The following TNRC6C variants were observed in gnomAD, a reference collection of about 807,000 sequenced individuals.
TNRC6C encodes trinucleotide repeat-containing gene 6C protein.
TNRC6C carries 20 observed loss-of-function variants against 153.7 expected under a neutral mutation model. The observed-to-expected ratio is 0.13, with a 90% confidence interval of 0.09 to 0.19. The LOEUF is 0.19. Among genes scored for constraint, TNRC6C ranks in the 10% least tolerant of loss-of-function variants. The probability of loss-of-function intolerance (pLI) is 1.00; values close to 1 mark genes in which losing one functional copy is unlikely to be tolerated. For missense variants in TNRC6C, 1,987 were observed against 2,172.0 expected (o/e 0.91, Z 1.69); for synonymous variants, 811 against 841.4 (o/e 0.96, Z 0.63).
chr17:78,000,826 T>A (rs1339015275), upstream of TNRC6C, among the ~76,000 whole-genome samples: 3 of 152,152 alleles, frequency 2.0e-5, no homozygotes, highest in African/African-American at 7.2e-5. Context: ...TTTACAAATA[T>A]AGGAAGTAGT....
At chr17:78,087,446 T>C (rs902440153) in intron 13 of TNRC6C, among the ~76,000 whole-genome samples, 3 of 151,324 alleles carry the variant, frequency 2.0e-5, no homozygotes, top group African/African-American at 7.3e-5. Flanking sequence ...GGAACAACAC[T>C]AACCACGTTG....
chr17:78,074,948 C>T (rs532931435), intron 7 of TNRC6C, among the ~76,000 whole-genome samples, 188 bp from the exon 10 acceptor site: 60 of 152,330 alleles, frequency 3.9e-4, no homozygotes, highest in African/African-American at 1.2e-3. Flanking sequence ...ATCCCCTTGC[C>T]GTGAATCCTT....
At chr17:78,012,804 G>T (rs1405567958) in intron 1 of TNRC6C, among the ~76,000 whole-genome samples, 1 of 152,222 alleles carries the variant, frequency 6.6e-6, no homozygotes, top group African/African-American at 2.4e-5. Flanking sequence ...CCAGCAGATG[G>T]TCAGTGAAGT....
chr17:77,999,404 T>C (rs2071377902), upstream of TNRC6C, among the ~76,000 whole-genome samples: 1 of 152,224 alleles, frequency 6.6e-6, no homozygotes. Context: ...ACATTTTAAC[T>C]CCTCTTCCCA....
At chr17:77,975,088 G>T (rs1433114342) in intron 1 of TNRC6C, among the ~76,000 whole-genome samples, 4 of 152,110 alleles carry the variant, frequency 2.6e-5, no homozygotes, top group African/African-American at 9.7e-5. Context: ...GATGAGAAAA[G>T]AAATTTCTTT....
chr17:78,056,159 T>C (rs1169964907), intron 3 of TNRC6C, among the ~76,000 whole-genome samples: 1 of 138,550 alleles, frequency 7.2e-6, no homozygotes, highest in Admixed American at 7.1e-5. Flanking sequence ...CAGAAACTAC[T>C]TTTTTTTTTT....
chr17:78,062,219 G>C (rs1030365278), intron 3 of TNRC6C, among the ~76,000 whole-genome samples: 14 of 152,132 alleles, frequency 9.2e-5, no homozygotes, highest in African/African-American at 3.4e-4. Context: ...GCGATAACTG[G>C]TTAGGACTAA....
At chr17:78,093,910 A>G in intron 16 of TNRC6C, 147 bp downstream of exon 18, 1 of 878,376 alleles carries the variant, frequency 1.1e-6, no homozygotes, top group Non-Finnish European at 1.6e-6. Flanking sequence ...AGCAGCATGA[A>G]AAGACAGCAG....
chr17:78,009,832 C>T (rs2071592118), intron 1 of TNRC6C, among the ~76,000 whole-genome samples: 2 of 151,990 alleles, frequency 1.3e-5, no homozygotes, highest in African/African-American at 2.4e-5. Context: ...GGATTACAGG[C>T]GTGAGCCACT....
intron 2 of TNRC6C, chr17:78,041,140 C>G (rs2072285497): frequency 6.6e-6 from 1 of 152,308 alleles, no homozygotes. Context: ...CCGTCAGCCC[C>G]TCGTAGAGCA....
chr17:78,054,629 C>G (rs1276807585), intron 3 of TNRC6C, among the ~76,000 whole-genome samples: 2 of 151,748 alleles, frequency 1.3e-5, no homozygotes, highest in Non-Finnish European at 2.9e-5. Flanking sequence ...CTAGTATACA[C>G]CACTGCAGAC....
rs1477320354 is a variant in TNRC6C, at chr17:77,992,453, G to C, written c.-37-11717G>C. Among the ~76,000 whole-genome samples, 3 of 49,252 alleles carry C rather than the reference G, an allele frequency of 6.1e-5. 1 individual carries two copies. The highest frequency in any genetic ancestry group is 3.9e-4 in the African/African-American group (2 of 5,184). 32.3% of individuals were successfully genotyped at this position (49,252 alleles called of 152,430 possible). ...GCGGAGCTTGCAGTGAGTCGAGATC[G>C]CGCCACTGCACTCCAGCCTGGGCGA... is the stretch of plus-strand genomic sequence containing the variant. On this transcript the variant is annotated intron_variant, in intron 1 of 22. Coordinates refer to the TNRC6C transcript ENST00000636222.
chr17:78,077,081 AAT>A, intron 8 of TNRC6C, 102 bp from the exon 11 acceptor site: 1 of 1,305,844 alleles, frequency 7.7e-7, no homozygotes, highest in Non-Finnish European at 1.0e-6. Flanking sequence ...TTGATCTGTT[AAT>A]TATTTATCCA....
intron 3 of TNRC6C, among the ~76,000 whole-genome samples, chr17:78,056,696 A>T (rs2072663024): frequency 6.6e-6 from 1 of 150,782 alleles, no homozygotes; most frequent in Admixed American, 6.6e-5. Flanking sequence ...CGGTCTCCTG[A>T]CCTTGTGATC....
chr17:78,007,195 T>C (rs921809881), intron 1 of TNRC6C, among the ~76,000 whole-genome samples: 12 of 152,168 alleles, frequency 7.9e-5, no homozygotes, highest in Non-Finnish European at 1.3e-4. Context: ...ATTTTTCTCT[T>C]CTCCTTCTAT....
intron 2 of TNRC6C, among the ~76,000 whole-genome samples, chr17:78,044,182 C>T (rs750947406): frequency 2.6e-5 from 4 of 152,076 alleles, no homozygotes; most frequent in South Asian, 2.1e-4. Flanking sequence ...GCTATCAGTT[C>T]CTCTTGTACT....
rs575796535 is a variant in TNRC6C, at chr17:78,024,313, A to G, written c.-545-7203A>G. On this transcript the variant is annotated intron_variant, in intron 1 of 19. Coordinates refer to ENST00000301624, the Ensembl canonical transcript of TNRC6C. ...CTTCTCTGTTGTGGGTTGTATTTCC[A>G]TTTTTTATTAATAGGCTGTATTATT... Among the ~76,000 whole-genome samples the G allele has an allele frequency of 3.3e-5, 5 of 152,026 alleles. No homozygotes were observed. In the South Asian group the frequency reaches 1.0e-3, roughly 32 times the overall value.
chr17:78,065,909 A>G (rs1376520086), intron 4 of TNRC6C, among the ~76,000 whole-genome samples: 1 of 152,186 alleles, frequency 6.6e-6, no homozygotes, highest in East Asian at 1.9e-4. Context: ...TAACATGAGT[A>G]TAAGATTACT....
chr17:77,980,973 TGTTTTTTG>T (rs760213012), intron 1 of TNRC6C, among the ~76,000 whole-genome samples: 2 of 152,124 alleles, frequency 1.3e-5, no homozygotes, highest in African/African-American at 2.4e-5. Context: ...TGTTTTGTTA[TGTTTTTTG>T]GTTTTTTGGT....
Sources: gnomAD v4.1 joint callset for allele counts (sites outside exome capture counted in the v4.1 genomes callset) on GRCh38, gnomAD v4.1.1 for gene constraint, MANE v1.5 for transcripts, NCBI Gene and HGNC (gene_info 2026-07-23, HGNC 2026-07-21) for gene names.